Variants in ZNF277 observed in about 807,000 individuals in gnomAD.
ZNF277 encodes nuclear receptor-interacting factor 4.
ZNF277 carries 55 observed loss-of-function variants against 60.7 expected under a neutral mutation model. That is an observed-to-expected ratio of 0.91 (90% CI 0.73 to 1.13). The LOEUF is 1.13. Among genes scored for constraint, ZNF277 ranks in the 50% most tolerant of loss-of-function variants. ZNF277 has a pLI of 0.00. For synonymous variants in ZNF277, 178 were observed against 179.3 expected, an observed-to-expected ratio of 0.99 and a Z score of 0.06; for missense variants, 510 against 523.0, an observed-to-expected ratio of 0.98 and a Z score of 0.24.
At chr7:112,207,546 G>C (rs1821570782) in intron 1 of ZNF277, among the ~76,000 whole-genome samples, 1 of 152,174 alleles carries the variant, frequency 6.6e-6, no homozygotes, top group Non-Finnish European at 1.5e-5. Context: ...CTGACTTTCA[G>C]GTTGTCCTCT....
intron 4 of ZNF277, among the ~76,000 whole-genome samples, chr7:112,306,199 A>G (rs1584396067): frequency 6.9e-6 from 1 of 144,072 alleles, no homozygotes; most frequent in African/African-American, 2.5e-5. Flanking sequence ...CTCCTCTGAG[A>G]TTTCTGAATG....
intron 1 of ZNF277, among the ~76,000 whole-genome samples, chr7:112,286,480 GA>G (rs1274295123): frequency 6.6e-6 from 1 of 152,164 alleles, no homozygotes; most frequent in Non-Finnish European, 1.5e-5. Context: ...CCCTTGGTGT[GA>G]TGATTCTTAG....
chr7:112,212,905 A>C (rs1481367401), intron 1 of ZNF277, among the ~76,000 whole-genome samples: 1 of 152,170 alleles, frequency 6.6e-6, no homozygotes, highest in Non-Finnish European at 1.5e-5. Context: ...CAAAGTCATC[A>C]AGAAACTCAA....
At chr7:112,325,087 A>G (rs1793065768) in intron 5 of ZNF277, among the ~76,000 whole-genome samples, 1 of 152,194 alleles carries the variant, frequency 6.6e-6, no homozygotes, top group Non-Finnish European at 1.5e-5. Flanking sequence ...CTATCTGGGC[A>G]TCCTTTAACC....
At chr7:112,287,172 C>A in intron 2 of ZNF277, 98 bp downstream of exon 2, 1 of 1,250,014 alleles carries the variant, frequency 8.0e-7, no homozygotes, top group Middle Eastern at 2.6e-4. Context: ...GTGGGAGGAT[C>A]ACCCGAGGCC....
chr7:112,301,979 T>G (rs1188993568), intron 4 of ZNF277, among the ~76,000 whole-genome samples: 2 of 152,110 alleles, frequency 1.3e-5, no homozygotes, highest in Non-Finnish European at 2.9e-5. Context: ...CACTTTGCAC[T>G]TCAACATAAA....
At chr7:112,306,032 C>T (rs537369824) in intron 4 of ZNF277, among the ~76,000 whole-genome samples, 24 of 152,052 alleles carry the variant, frequency 1.6e-4, no homozygotes, top group Non-Finnish European at 2.9e-4. Context: ...CCTTTTTCTG[C>T]ATCTGATTAA....
intron 1 of ZNF277, among the ~76,000 whole-genome samples, chr7:112,232,074 T>C (rs1822353359): frequency 8.6e-6 from 1 of 115,986 alleles, no homozygotes; most frequent in South Asian, 3.0e-4. Context: ...TATATATATA[T>C]ATATATATAT....
intron 1 of ZNF277, among the ~76,000 whole-genome samples, chr7:112,213,222 A>C: frequency 6.6e-6 from 1 of 152,272 alleles, no homozygotes; most frequent in African/African-American, 2.4e-5. Context: ...GTGAGACGTG[A>C]CTTGCTCTTC....
intron 4 of ZNF277, among the ~76,000 whole-genome samples, chr7:112,312,671 G>C (rs1302829680): frequency 6.6e-6 from 1 of 152,102 alleles, no homozygotes; most frequent in East Asian, 1.9e-4. Context: ...TTGAGTATAG[G>C]AATGTTAATT....
chr7:112,258,452 C>T (rs1033831241), intron 1 of ZNF277, among the ~76,000 whole-genome samples: 3 of 151,106 alleles, frequency 2.0e-5, no homozygotes, highest in Admixed American at 6.6e-5. Flanking sequence ...AGTATTTGGA[C>T]GTACTTACGC....
intron 7 of ZNF277, among the ~76,000 whole-genome samples, chr7:112,332,788 TGATGTAAACACCTTTGAAAAG>T (rs1793253327): frequency 6.6e-6 from 1 of 152,110 alleles, no homozygotes; most frequent in East Asian, 1.9e-4. Context: ...ATTATGGAAA[TGATGTAAACACCTTTGAAAAG>T]GAGTGAAGAA....
intron 1 of ZNF277, among the ~76,000 whole-genome samples, chr7:112,286,562 G>A (rs1254058319): frequency 6.6e-6 from 1 of 152,082 alleles, no homozygotes; most frequent in East Asian, 1.9e-4. Context: ...AAGTACCCCG[G>A]GAATTGCTGC....
chr7:112,222,877 C>T (rs1822070301), intron 1 of ZNF277, among the ~76,000 whole-genome samples: 1 of 152,154 alleles, frequency 6.6e-6, no homozygotes, highest in Admixed American at 6.5e-5. Context: ...TGGGTACCAT[C>T]TGATCAGCTG....
intron 6 of ZNF277, among the ~76,000 whole-genome samples, chr7:112,329,669 AAACCCTG>A (rs1310513450): frequency 1.3e-5 from 2 of 152,222 alleles, no homozygotes; most frequent in African/African-American, 2.4e-5. Flanking sequence ...GCAAGGAATT[AAACCCTG>A]CAAATCAGCT....
chr7:112,293,579 CAAAAA>C (rs35455828), intron 2 of ZNF277, among the ~76,000 whole-genome samples: 4 of 115,030 alleles, frequency 3.5e-5, no homozygotes. Context: ...GATCTTATCT[CAAAAA>C]AAAAAAAAAA....
At chr7:112,254,048 C>A (rs1278311801) in intron 1 of ZNF277, among the ~76,000 whole-genome samples, 1 of 152,146 alleles carries the variant, frequency 6.6e-6, no homozygotes, top group African/African-American at 2.4e-5. Context: ...GTTAAAATAG[C>A]CATGAAACAC....
chr7:112,315,012 C>T (rs904592613), intron 4 of ZNF277, among the ~76,000 whole-genome samples: 1 of 152,050 alleles, frequency 6.6e-6, no homozygotes, highest in African/African-American at 2.4e-5. Flanking sequence ...ATTTTGTCTT[C>T]CATCCCTCTG....
At chr7:112,224,626 G>A (rs1269599344) in intron 1 of ZNF277, among the ~76,000 whole-genome samples, 2 of 152,190 alleles carry the variant, frequency 1.3e-5, no homozygotes, top group Non-Finnish European at 2.9e-5. Context: ...AGCTATTGAG[G>A]GTGGTGAGTT....
Sources: gnomAD v4.1 joint callset for allele counts (sites outside exome capture counted in the v4.1 genomes callset) on GRCh38, gnomAD v4.1.1 for gene constraint, MANE v1.5 for transcripts, NCBI Gene and HGNC (gene_info 2026-07-23, HGNC 2026-07-21) for gene names.